Variants in ADAM19 observed in about 807,000 individuals in gnomAD.
ADAM19 encodes disintegrin and metalloproteinase domain-containing protein 19.
ADAM19 carries 65 observed loss-of-function variants against 114.7 expected under a neutral mutation model. The observed-to-expected ratio is 0.57, with a 90% CI of 0.46 to 0.70. The LOEUF (loss-of-function observed/expected upper bound fraction) is 0.70, where lower values mean the gene tolerates loss of function less well. ADAM19 is among the 30% of genes least tolerant of loss of function. ADAM19 has a pLI of 0.00. For synonymous variants in ADAM19, 466 were observed against 460.5 expected (o/e 1.01, Z -0.15); for missense variants, 1,063 against 1,204.7 (o/e 0.88, Z 1.74).
intron 5 of ADAM19, among the ~76,000 whole-genome samples, chr5:157,524,333 G>A (rs772564954): frequency 3.9e-5 from 6 of 152,240 alleles, no homozygotes; most frequent in Non-Finnish European, 4.4e-5. Flanking sequence ...TCTCCATTCT[G>A]TTCTCCATCC....
rs1755163702 is a variant in ADAM19 at position 157,491,642 on chromosome 5, T to C, written c.2068A>G (p.Ile690Val). 6.5e-7 allele frequency: 1 copy of C among 1,549,110 alleles called. No individual in the cohort carries two copies. The highest frequency in any genetic ancestry group is 1.4e-5 in the African/African-American group (1 of 73,294). The change falls in exon 18 of 23, where the codon ATC becomes GTC. Residue 690 changes from isoleucine (I) to valine (V), a missense_variant. Physicochemically the swap from Ile to Val is conservative, Grantham distance 29. Transcript: ENST00000257527. ...TCAGGGGGCATAGGCCCACTGTCGATACTGCCCCCGTGGCCCGGTGTGTTG... is the reference window on the plus strand; with the variant it reads ...TCAGGGGGCATAGGCCCACTGTCGACACTGCCCCCGTGGCCCGGTGTGTTG... ...FCNTPGHGGS[I>V]DSGPMPPESV...
At chr5:157,489,959 C>G (rs917313401) in intron 19 of ADAM19, among the ~76,000 whole-genome samples, 3 of 152,182 alleles carry the variant, frequency 2.0e-5, no homozygotes, top group African/African-American at 7.2e-5. Context: ...TGCATTCCAG[C>G]CTGGGCAACA....
chr5:157,479,460 C>A lies in ADAM19; in HGVS notation c.*1489G>T. ...GTCAGGCCAGCTCCTGTCCGGAGAG[C>A]CACCCAGCACCTTTGTGGAGTGGGA... is the stretch of plus-strand genomic sequence containing the variant. On this transcript the variant is annotated 3_prime_UTR_variant, in exon 23 of 23. Coordinates refer to ENST00000257527, the MANE Select transcript of ADAM19 (RefSeq NM_033274.5). 1.0e-6 allele frequency: 1 copy of A among 985,912 alleles called. No individual in the cohort carries two copies. The highest frequency in any genetic ancestry group is 1.2e-6 in the Non-Finnish European group (1 of 830,010). The allele number at this position is 985,912 out of a possible 1,614,324, so 61.1% of individuals were successfully genotyped here. A position where few individuals can be genotyped will look rare whatever the true frequency, so the allele number is the denominator to read the frequency against.
At chr5:157,544,262 G>C (rs995043391) in intron 3 of ADAM19, among the ~76,000 whole-genome samples, 1 of 152,200 alleles carries the variant, frequency 6.6e-6, no homozygotes, top group Non-Finnish European at 1.5e-5. Flanking sequence ...CAAAAATGGC[G>C]CCATCCAGAA....
chr5:157,573,594 A>G (rs1757890784), intron 1 of ADAM19, among the ~76,000 whole-genome samples: 1 of 152,128 alleles, frequency 6.6e-6, no homozygotes, highest in African/African-American at 2.4e-5. Context: ...AAAAATACAA[A>G]AACTAGCCGG....
Position 157,491,650 on chromosome 5 carries a change from C to G in ADAM19, c.2060G>C (p.Gly687Ala). 1 of 1,558,146 alleles carries G rather than the reference C, an allele frequency of 6.4e-7. No individual in the cohort carries two copies. Among genetic ancestry groups the G allele is most frequent in the Non-Finnish European group, 8.7e-7 (1 of 1,151,102 alleles). Residue 687 changes from glycine to alanine, a missense_variant, in exon 18 of 23, where the codon GGG (glycine) becomes GCG (alanine). Gly to Ala is a moderately conservative substitution (Grantham distance 60, BLOSUM62 0). Around this residue, in one of 3 missense-constraint regions of ADAM19, gnomAD observed 424 missense variants for 445.5 expected, o/e 0.95. Coordinates refer to ENST00000257527, the MANE Select transcript of ADAM19 (RefSeq NM_033274.5). ...CATAGGCCCACTGTCGATACTGCCC[C>G]CGTGGCCCGGTGTGTTGCAGAAGGG... Reference protein sequence around the residue: ...APPFCNTPGHGGSIDSGPMPP... With the variant: ...APPFCNTPGHAGSIDSGPMPP...
intron 4 of ADAM19, among the ~76,000 whole-genome samples, chr5:157,532,858 A>C (rs1756663200): frequency 6.6e-6 from 1 of 152,238 alleles, no homozygotes; most frequent in Admixed American, 6.5e-5. Context: ...TTTAAATCCA[A>C]GCATACGCAG....
At position 157,516,733 on chromosome 5, in the gene ADAM19, T is replaced by C. The variant is rs4361500; in HGVS notation, c.666+2090A>G. 2.6e-3 allele frequency among the ~76,000 whole-genome samples: 393 copies of C among 152,144 alleles called. 16 individuals are homozygous for C. The East Asian group carries it at 0.068, about 26-fold the overall frequency. ...CAGATGCAGAACTTAAGTGGAAAAA[T>C]GTCCCAGAGTCAGAGGAGCTCAGTT... On this transcript the variant is annotated intron_variant, in intron 7 of 22. Coordinates refer to ENST00000257527, the MANE Select transcript of ADAM19 (RefSeq NM_033274.5).
intron 4 of ADAM19, among the ~76,000 whole-genome samples, chr5:157,532,518 A>C (rs1756654817): frequency 2.0e-5 from 3 of 152,234 alleles, no homozygotes; most frequent in Non-Finnish European, 4.4e-5. Flanking sequence ...CAAGAGACAC[A>C]TTCCTAGAGG....
intron 3 of ADAM19, among the ~76,000 whole-genome samples, chr5:157,560,370 G>A (rs11465271): frequency 0.01 from 1,533 of 151,908 alleles, 34 homozygotes; most frequent in African/African-American, 0.035. Context: ...CAGAGGCTCA[G>A]GGGAGCTGGC....
intron 5 of ADAM19, among the ~76,000 whole-genome samples, chr5:157,522,139 C>T (rs1756311295): frequency 6.6e-6 from 1 of 152,260 alleles, no homozygotes; most frequent in African/African-American, 2.4e-5. Flanking sequence ...GGACTTGGCA[C>T]TGTGCTAAGT....
In ADAM19 at chr5:157,507,100, G is replaced by T. The variant is rs370143181; in HGVS notation, c.946C>A (p.Leu316Ile). ...TGGTACACAGAGCACATGGCCATGA[G>T]GGGGGCCAGGCCGATGGTGGTGCCG... Reference protein sequence around the residue: ...FHGTTIGLAPLMAMCSVYQSG... With the variant: ...FHGTTIGLAPIMAMCSVYQSG... The change falls in exon 10 of 23, where the codon CTC becomes ATC. Residue 316 changes from leucine (L) to isoleucine (I), a missense_variant. This residue lies in a region of ADAM19 where 615 missense variants were observed against 706.3 expected (regional missense o/e 0.87). Coordinates refer to ENST00000257527, the MANE Select transcript of ADAM19 (RefSeq NM_033274.5). 2 of 1,614,052 alleles carry T rather than the reference G, an allele frequency of 1.2e-6. No individual in the cohort carries two copies. The highest frequency in any genetic ancestry group is 1.7e-6 in the Non-Finnish European group (2 of 1,179,968).
At position 157,490,371 on chromosome 5, in the gene ADAM19, T is replaced by C. The variant is rs1755111173; in HGVS notation, c.2179A>G (p.Asn727Asp). The change falls in exon 19 of 23, where the codon AAC becomes GAC. Residue 727 changes from asparagine to aspartate, a missense_variant. Coordinates refer to ENST00000257527, the MANE Select transcript of ADAM19 (RefSeq NM_033274.5). ...LMLMYYCCRQNNKLGQLKPSA... is the reference protein window; with the variant it reads ...LMLMYYCCRQDNKLGQLKPSA... ...GGCTTGAGTTGGCCTAGTTTGTTGT[T>C]CTGTCTGCAGCAGTAGTACATCAGC... The C allele has an allele frequency of 1.2e-6, 2 of 1,614,154 alleles. No individual in the cohort carries two copies. Among genetic ancestry groups the C allele is most frequent in the East Asian group, 4.5e-5 (2 of 44,862 alleles).
intron 19 of ADAM19, among the ~76,000 whole-genome samples, 172 bp from the exon 20 acceptor site, chr5:157,489,358 G>C (rs1008627423): frequency 6.6e-6 from 1 of 152,174 alleles, no homozygotes; most frequent in Non-Finnish European, 1.5e-5. Flanking sequence ...GTAGAAAAAC[G>C]TGTGGCCAAT....
chr5:157,557,144 G>A (rs973735581), intron 3 of ADAM19, among the ~76,000 whole-genome samples: 93 of 152,262 alleles, frequency 6.1e-4, no homozygotes, highest in African/African-American at 2.2e-3. Flanking sequence ...CTGGGCTCGC[G>A]TGATCCACCC....
In ADAM19 at chr5:157,488,269, G is replaced by A; in HGVS notation, c.2546C>T (p.Ser849Phe). ...GGTTGCTGATTATCCACTTACCTGG[G>A]AAACGATGCAATTTGGTGCGGGGGG... ...PIPPAPNCIV[S>F]QDFSRPRPPQ... The change falls in exon 21 of 23, where the codon TCC (serine) becomes TTC (phenylalanine). Residue 849 changes from serine to phenylalanine, a missense_variant. Physicochemically the swap from Ser to Phe is radical, Grantham distance 155. Around this residue, in one of 3 missense-constraint regions of ADAM19, gnomAD observed 424 missense variants for 445.5 expected, o/e 0.95. Transcript: ENST00000257527. 2.5e-6 allele frequency: 4 copies of A among 1,612,136 alleles called. No homozygotes were observed. The highest frequency in any genetic ancestry group is 2.5e-6 in the Non-Finnish European group (3 of 1,178,330).
intron 1 of ADAM19, among the ~76,000 whole-genome samples, chr5:157,574,795 T>C (rs191270894): frequency 3.3e-4 from 50 of 152,216 alleles, no homozygotes; most frequent in Middle Eastern, 3.4e-3. Context: ...AACACGGACA[T>C]CACCCGGCAT....
chr5:157,501,912 C>A (rs1218704374), intron 12 of ADAM19, among the ~76,000 whole-genome samples: 5 of 151,400 alleles, frequency 3.3e-5, no homozygotes, highest in Non-Finnish European at 7.4e-5. Flanking sequence ...AAAAAATTAA[C>A]CAGGTGTGGT....
rs982599945 is a variant in ADAM19 at position 157,499,422 on chromosome 5, C to G, written c.1398+151G>C. 367 of 701,136 alleles carry G rather than the reference C, an allele frequency of 5.2e-4. 3 individuals are homozygous for G. In the African/African-American group the frequency reaches 6.0e-3, roughly 11 times the overall value. The allele number at this position is 701,136 out of a possible 1,614,324, so 43.4% of individuals were successfully genotyped here. On this transcript the variant is annotated intron_variant, in intron 13 of 22. Transcript: ENST00000257527. ...CAGTATAGGAATAGTAAATTTTATT[C>G]AAGGCACCTTTTCCGCTCTGTGTTT...
Sources: allele counts gnomAD v4.1 joint callset (sites outside exome capture counted in the v4.1 genomes callset), GRCh38; gene constraint gnomAD v4.1.1; regional missense constraint gnomAD v4.1.1; transcripts MANE v1.5; gene names NCBI Gene and HGNC (gene_info 2026-07-23, HGNC 2026-07-21).